The following GPR137 variants were observed in gnomAD, a reference collection of about 807,000 sequenced individuals.
GPR137 encodes integral membrane protein GPR137.
Under a neutral mutation model 38.9 loss-of-function variants are expected in GPR137, and 20 were observed. The ratio of observed to expected loss-of-function variants is 0.51; its 90% CI spans 0.36 to 0.75. GPR137 has a LOEUF of 0.75. Among genes scored for constraint, GPR137 ranks in the 30% least tolerant of loss-of-function variants. GPR137 has a pLI of 0.00. For synonymous variants in GPR137, 226 were observed against 235.8 expected (o/e 0.96, Z 0.38); for missense variants, 456 against 526.4 (o/e 0.87, Z 1.31).
In GPR137 at chr11:64,286,740, G is replaced by T. The variant is rs1251575415; in HGVS notation, c.216G>T (p.Leu72Phe). The change falls in exon 1 of 7, where the codon TTG becomes TTT. Residue 72 changes from leucine (L) to phenylalanine (F), a missense_variant. Leu to Phe is a conservative substitution (Grantham distance 22, BLOSUM62 0). Coordinates refer to ENST00000438980, the MANE Select transcript of GPR137 (RefSeq NM_001170880.2). Reference sequence around the variant, plus strand: ...CCCTCTGTCTGCTCTGGGCCGCCTTGCGTACCACCCTCTTCTCCTTCTACT... The same window carrying T: ...CCCTCTGTCTGCTCTGGGCCGCCTTTCGTACCACCCTCTTCTCCTTCTACT... ...FLALCLLWAA[L>F]RTTLFSFYFR... 6.2e-7 allele frequency: 1 copy of T among 1,613,364 alleles called. No individual in the cohort carries two copies. Among genetic ancestry groups the T allele is most frequent in the East Asian group, 2.2e-5 (1 of 44,852 alleles).
In GPR137 at chr11:64,287,744, T is replaced by C. The variant is rs779651778; in HGVS notation, c.431T>C (p.Val144Ala). Residue 144 changes from valine (V) to alanine (A), a missense_variant, in exon 3 of 7, where the codon GTG becomes GCG. Physicochemically the swap from Val to Ala is moderately conservative, Grantham distance 64. Coordinates refer to ENST00000438980, the MANE Select transcript of GPR137 (RefSeq NM_001170880.2). The part of the protein sequence containing the change: ...RGLLAVRGAF[V>A]GASLLFLLVN... ...AGGCTCGCTGTCCGAGGGGCCTTTG[T>C]GGGGGCCTCGCTGCTCTTTCTGCTG... The C allele has an allele frequency of 6.2e-7, 1 of 1,605,572 alleles. No individual in the cohort carries two copies. The highest frequency in any genetic ancestry group is 1.1e-5 in the South Asian group (1 of 91,074).
chr11:64,271,763 G>T, upstream of GPR137: 1 of 1,405,412 alleles, frequency 7.1e-7, no homozygotes, highest in Non-Finnish European at 9.3e-7. Context: ...TCCCCGCGGG[G>T]TAGGAGCTGT....
At chr11:64,285,534 C>A, upstream of GPR137, 1 of 984,850 alleles carries the variant, frequency 1.0e-6, no homozygotes, top group Non-Finnish European at 1.2e-6. Flanking sequence ...TCCGTTGCCG[C>A]CCCCGGCCGG....
At chr11:64,281,783 C>T (rs564495074), upstream of GPR137, among the ~76,000 whole-genome samples, 95 of 152,306 alleles carry the variant, frequency 6.2e-4, 1 homozygote, top group Admixed American at 1.8e-3. Flanking sequence ...TGCAGTGGCA[C>T]GATCTTGGCT....
intron 2 of GPR137, chr11:64,287,291 C>T: frequency 1.0e-6 from 1 of 985,408 alleles, no homozygotes; most frequent in African/African-American, 1.7e-5. Context: ...CCCATGGAAG[C>T]ACCAAAGCCA....
intron 2 of GPR137, chr11:64,276,887 A>G: frequency 1.3e-6 from 1 of 753,398 alleles, no homozygotes; most frequent in South Asian, 1.4e-5. Context: ...GAAGTGCCCC[A>G]GGCCCCAGCA....
At chr11:64,278,344 C>T (rs2033205006) in intron 2 of GPR137, among the ~76,000 whole-genome samples, 1 of 150,500 alleles carries the variant, frequency 6.6e-6, no homozygotes, top group African/African-American at 2.4e-5. Flanking sequence ...GCCTGGGCGA[C>T]AGAGTGAGGC....
upstream of GPR137, among the ~76,000 whole-genome samples, chr11:64,283,655 G>C (rs116471036): frequency 5.3e-3 from 800 of 152,312 alleles, 5 homozygotes; most frequent in African/African-American, 0.018. Flanking sequence ...GCCTGGGGCA[G>C]GGCACCAAGG....
rs1201639267 is a variant in GPR137, at chr11:64,285,897, C to A, written c.-628C>A. On this transcript the variant is annotated 5_prime_UTR_variant, in exon 1 of 7. Transcript: ENST00000438980. The stretch of plus-strand genomic sequence containing the variant: ...GAGCCCCGGGTCCCCACGACCTGAG[C>A]CGGCTCTCCCATCAGCGGCCTGAGG... The A allele has an allele frequency of 1.0e-6, 1 of 971,870 alleles. No homozygotes were observed. 60.2% of individuals were successfully genotyped at this position (971,870 alleles called of 1,614,324 possible).
upstream of GPR137, chr11:64,284,951 C>T: frequency 2.1e-6 from 3 of 1,398,754 alleles, no homozygotes; most frequent in Non-Finnish European, 1.9e-6. Flanking sequence ...TGGAGACCCA[C>T]TTCTGCCAAC....
chr11:64,284,818 A>C, upstream of GPR137: 1 of 1,527,472 alleles, frequency 6.5e-7, no homozygotes, highest in Non-Finnish European at 8.8e-7. Context: ...GCCGGATCCA[A>C]GGCTCCTCGT....
exon 1 of GPR137, chr11:64,270,581 C>G: frequency 2.8e-6 from 2 of 702,466 alleles, no homozygotes; most frequent in South Asian, 3.0e-5. Flanking sequence ...GCCTAGGGCC[C>G]TAAATGGAAA....
upstream of GPR137, chr11:64,272,880 T>A (rs1011339883): frequency 1.3e-5 from 2 of 152,254 alleles, no homozygotes; most frequent in African/African-American, 4.8e-5. Flanking sequence ...GGGATAATCC[T>A]AGCCCTGACT....
rs779511879 is a variant in GPR137, at chr11:64,288,084, C to A, written c.653C>A (p.Ala218Glu). ...TGCCAGGGGACCAGTGTGTGCCAGG[C>A]GGCCGCGATGGGTGGCGCCATGGTC... is the stretch of plus-strand genomic sequence containing the variant. ...LEAKGTSVCQ[A>E]AAMGGAMVLL... The change falls in exon 4 of 7, where the codon GCG becomes GAG. Residue 218 changes from alanine (A) to glutamate (E), a missense_variant. Physicochemically the swap from Ala to Glu is moderately radical, Grantham distance 107 (BLOSUM62 -1). Transcript: ENST00000438980. This position sits in a 1 kb window ranked among gnomAD's most constrained non-coding sequence, Gnocchi z 5.5. The A allele has an allele frequency of 1.2e-6, 2 of 1,611,080 alleles. No individual in the cohort carries two copies. Among genetic ancestry groups the A allele is most frequent in the East Asian group, 2.2e-5 (1 of 44,880 alleles).
chr11:64,274,992 C>CAAAAAAAAAAA (rs34418386), upstream of GPR137, among the ~76,000 whole-genome samples: 96 of 54,398 alleles, frequency 1.8e-3, 7 homozygotes, highest in African/African-American at 7.7e-3. Flanking sequence ...GACTTTGTCT[C>CAAAAAAAAAAA]AAAAAAAAAA....
chr11:64,289,451 C>A lies in GPR137; in HGVS notation c.*255C>A. The A allele has an allele frequency of 1.3e-6, 2 of 1,505,470 alleles. No homozygotes were observed. Among genetic ancestry groups the A allele is most frequent in the Admixed American group, 2.3e-5 (1 of 44,108 alleles). 93.3% of individuals were successfully genotyped at this position (1,505,470 alleles called of 1,614,324 possible). On this transcript the variant is annotated 3_prime_UTR_variant, in exon 7 of 7. Coordinates refer to ENST00000438980, the MANE Select transcript of GPR137 (RefSeq NM_001170880.2). ...CTGCTTCCACACCGGAGCCAGCTACCTCTCCTGTGCCTGCCACTCAATAAA... is the reference window on the plus strand; with the variant it reads ...CTGCTTCCACACCGGAGCCAGCTACATCTCCTGTGCCTGCCACTCAATAAA...
chr11:64,285,364 G>A (rs946293798), upstream of GPR137: 5 of 985,088 alleles, frequency 5.1e-6, no homozygotes, highest in Admixed American at 6.2e-5. Context: ...CTTCACGCCT[G>A]GCAGGCGGCC....
chr11:64,281,784 G>C (rs867200142), upstream of GPR137, among the ~76,000 whole-genome samples: 7 of 152,092 alleles, frequency 4.6e-5, no homozygotes, highest in African/African-American at 1.4e-4. Context: ...GCAGTGGCAC[G>C]ATCTTGGCTC....
upstream of GPR137, among the ~76,000 whole-genome samples, chr11:64,282,218 C>A (rs1449954658): frequency 6.6e-6 from 1 of 152,094 alleles, no homozygotes; most frequent in Non-Finnish European, 1.5e-5. Flanking sequence ...CACTGTGTGG[C>A]GCGAGTGAAT....
Sources: gnomAD v4.1 joint callset for allele counts (sites outside exome capture counted in the v4.1 genomes callset) on GRCh38, gnomAD v4.1.1 for gene constraint, Gnocchi (gnomAD v3.1) non-coding constraint, MANE v1.5 for transcripts, NCBI Gene and HGNC (gene_info 2026-07-23, HGNC 2026-07-21) for gene names.